TYR: variants seen among roughly 807,000 people sequenced by gnomAD.
TYR encodes the protein LB24-AB.
TYR carries 58 observed loss-of-function variants against 51.5 expected under a neutral mutation model. The ratio of observed to expected loss-of-function variants is 1.13; its 90% CI spans 0.91 to 1.40. The LOEUF is 1.40. TYR is among the 40% of genes most tolerant of loss of function. The pLI is 0.00. For missense variants in TYR, 732 were observed against 647.4 expected (o/e 1.13, Z -1.42); for synonymous variants, 263 against 235.2 (o/e 1.12, Z -1.08).
chr11:89,207,583 G>A (rs978521510), intron 2 of TYR, among the ~76,000 whole-genome samples: 1 of 152,140 alleles, frequency 6.6e-6, no homozygotes, highest in Admixed American at 6.6e-5. Context: ...CCAGAATGTA[G>A]AAGGGAACAT....
chr11:89,273,805 G>T (rs1202627008), intron 3 of TYR, among the ~76,000 whole-genome samples: 2 of 151,826 alleles, frequency 1.3e-5, no homozygotes, highest in East Asian at 3.9e-4. Context: ...TGTCACCAGG[G>T]TTGGTTTCTT....
chr11:89,232,839 A>G (rs1944068815), intron 3 of TYR, among the ~76,000 whole-genome samples: 2 of 143,924 alleles, frequency 1.4e-5, no homozygotes, highest in Non-Finnish European at 3.0e-5. Context: ...AGAAAATGCT[A>G]ACAATCGTCT....
chr11:89,251,212 A>T (rs1163942432), intron 3 of TYR, among the ~76,000 whole-genome samples: 1 of 151,964 alleles, frequency 6.6e-6, no homozygotes, highest in Admixed American at 6.6e-5. Flanking sequence ...TGAATTAAAG[A>T]ACAATAACTA....
At chr11:89,291,838 T>C (rs1339183808) in intron 4 of TYR, among the ~76,000 whole-genome samples, 1 of 152,002 alleles carries the variant, frequency 6.6e-6, no homozygotes, top group Non-Finnish European at 1.5e-5. Context: ...GAGTTCCTCA[T>C]ATTTAAATAA....
At chr11:89,243,172 G>C (rs965191803) in intron 3 of TYR, among the ~76,000 whole-genome samples, 1 of 152,168 alleles carries the variant, frequency 6.6e-6, no homozygotes, top group Non-Finnish European at 1.5e-5. Context: ...CTTTATTGGG[G>C]TTTAGAGGTC....
At position 89,184,262 on chromosome 11, in the gene TYR, T is replaced by C. The variant is rs543063057; in HGVS notation, c.819+5490T>C. On this transcript the variant is annotated intron_variant, in intron 1 of 4. Transcript: ENST00000263321. ...CAGCAAAAATAGTTTCATTCAAGCC[T>C]CTCTAATTTAACTGAGTTGGCTGTA... Among the ~76,000 whole-genome samples the C allele has an allele frequency of 2.5e-4, 38 of 152,090 alleles. No homozygotes were observed. In the South Asian group the frequency reaches 7.9e-3, roughly 32 times the overall value.
intron 2 of TYR, among the ~76,000 whole-genome samples, chr11:89,219,042 T>C (rs995905926): frequency 4.6e-5 from 7 of 152,194 alleles, no homozygotes; most frequent in African/African-American, 1.4e-4. Flanking sequence ...TCATATGCTA[T>C]TGTGAAGATT....
chr11:89,203,514 G>C (rs974386236), intron 2 of TYR, among the ~76,000 whole-genome samples: 7 of 152,050 alleles, frequency 4.6e-5, no homozygotes, highest in African/African-American at 1.4e-4. Context: ...TCTACTTCTG[G>C]GAAGGTAAAG....
At chr11:89,216,388 C>T (rs972176667) in intron 2 of TYR, among the ~76,000 whole-genome samples, 1 of 152,040 alleles carries the variant, frequency 6.6e-6, no homozygotes, top group African/African-American at 2.4e-5. Flanking sequence ...ATGAGGCCCA[C>T]TTTATGGTAT....
chr11:89,212,752 G>A (rs113119882), intron 2 of TYR, among the ~76,000 whole-genome samples: 28,884 of 152,010 alleles, frequency 0.19, 3,606 homozygotes, highest in African/African-American at 0.36. Context: ...AATCAAGTTG[G>A]CTTCATCCCC....
intron 3 of TYR, among the ~76,000 whole-genome samples, chr11:89,259,204 C>T (rs974213954): frequency 6.6e-6 from 1 of 152,032 alleles, no homozygotes; most frequent in Non-Finnish European, 1.5e-5. Flanking sequence ...ATTCTAAGAA[C>T]ACGATGACTA....
intron 3 of TYR, among the ~76,000 whole-genome samples, chr11:89,283,378 G>C (rs572454978): frequency 6.6e-6 from 1 of 151,634 alleles, no homozygotes; most frequent in African/African-American, 2.4e-5. Flanking sequence ...TGTTGAAAAT[G>C]GTTTTCTAAA....
At chr11:89,202,482 A>C (rs1943609445) in intron 2 of TYR, among the ~76,000 whole-genome samples, 1 of 152,154 alleles carries the variant, frequency 6.6e-6, no homozygotes, top group Non-Finnish European at 1.5e-5. Flanking sequence ...GGCTATTACA[A>C]ATTATCTGGC....
At chr11:89,294,960 T>C (rs1944890140) in intron 4 of TYR, among the ~76,000 whole-genome samples, 183 bp from the exon 5 acceptor site, 1 of 152,180 alleles carries the variant, frequency 6.6e-6, no homozygotes, top group South Asian at 2.1e-4. Context: ...CCCATTTTTC[T>C]GATGAAGAAA....
Position 89,295,175 on chromosome 11 carries a change from T to C in TYR, c.1399T>C (p.Tyr467His). Reference protein sequence around the residue: ...PDSFQDYIKSYLEQASRIWSW... With the variant: ...PDSFQDYIKSHLEQASRIWSW... ...CTCTTTTCAAGACTACATTAAGTCC[T>C]ATTTGGAACAAGCGAGTCGGATCTG... Residue 467 changes from tyrosine (Y) to histidine (H), a missense_variant, in exon 5 of 5, where the codon TAT (tyrosine) becomes CAT (histidine). Coordinates refer to ENST00000263321, the MANE Select transcript of TYR (RefSeq NM_000372.5). 3 of 1,613,994 alleles carry C rather than the reference T, an allele frequency of 1.9e-6. No individual in the cohort carries two copies. Among genetic ancestry groups the C allele is most frequent in the Non-Finnish European group, 2.5e-6 (3 of 1,179,878 alleles).
At chr11:89,193,214 G>A (rs1164094661) in intron 2 of TYR, among the ~76,000 whole-genome samples, 5 of 152,108 alleles carry the variant, frequency 3.3e-5, no homozygotes, top group African/African-American at 1.2e-4. Context: ...AAGGAAACTG[G>A]AGCATTTTGC....
At chr11:89,260,618 A>G (rs1200346635) in intron 3 of TYR, among the ~76,000 whole-genome samples, 2 of 152,152 alleles carry the variant, frequency 1.3e-5, no homozygotes, top group Non-Finnish European at 2.9e-5. Flanking sequence ...AGAAAAAGTA[A>G]AGAGCACTGT....
chr11:89,261,033 C>T (rs1342583588), intron 3 of TYR, among the ~76,000 whole-genome samples: 1 of 152,072 alleles, frequency 6.6e-6, no homozygotes, highest in Non-Finnish European at 1.5e-5. Flanking sequence ...CATCCCAAAA[C>T]CATCCCTTCA....
intron 2 of TYR, among the ~76,000 whole-genome samples, chr11:89,205,452 A>G (rs1227598864): frequency 6.6e-6 from 1 of 152,176 alleles, no homozygotes; most frequent in Non-Finnish European, 1.5e-5. Context: ...ATCAAAATAT[A>G]TCACTATTAA....
Sources: gnomAD v4.1 joint callset for allele counts (sites outside exome capture counted in the v4.1 genomes callset) on GRCh38, gnomAD v4.1.1 for gene constraint, MANE v1.5 for transcripts, NCBI Gene and HGNC (gene_info 2026-07-23, HGNC 2026-07-21) for gene names.